Variants in GATA4 observed in about 807,000 individuals in gnomAD.
GATA4 encodes GATA binding protein 4, also known as transcription factor GATA-4.
Under a neutral mutation model 37.9 loss-of-function variants are expected in GATA4, and 7 were observed. The observed-to-expected ratio is 0.18, with a 90% CI of 0.11 to 0.35. The LOEUF (loss-of-function observed/expected upper bound fraction) is 0.35, where lower values mean the gene tolerates loss of function less well. Among genes scored for constraint, GATA4 ranks in the 10% least tolerant of loss-of-function variants. The pLI is 1.00. For synonymous variants in GATA4, 372 were observed against 292.6 expected, an observed-to-expected ratio of 1.27 and a Z score of -2.77; for missense variants, 647 against 653.0, an observed-to-expected ratio of 0.99 and a Z score of 0.10.
chr8:11,681,151 CCGTTCTGTT>C (rs1176597033), intron 1 of GATA4: 86 of 985,290 alleles, frequency 8.7e-5, no homozygotes, highest in Non-Finnish European at 9.8e-5. Context: ...ATCTCCAGCT[CCGTTCTGTT>C]CGCAGAACCT....
At position 11,709,583 on chromosome 8, in the gene GATA4, G is replaced by GGC. The variant is rs2130078518; in HGVS notation, c.616+656_616+657insCG. ...GCGCATCATGCGGGCAGCGGGGGGG[G>GGC]GGGCGCACACGCCCGGTCAGTGTCC... On this transcript the variant is annotated intron_variant, in intron 2 of 6. Coordinates refer to ENST00000532059, the MANE Select transcript of GATA4 (RefSeq NM_001308093.3). The surrounding 1 kb of genome is among the most constrained non-coding windows in gnomAD (Gnocchi z 4.3). 6.6e-6 allele frequency among the ~76,000 whole-genome samples: 1 copy of GGC among 152,050 alleles called. No individual in the cohort carries two copies. The highest frequency in any genetic ancestry group is 1.9e-4 in the East Asian group (1 of 5,170).
upstream of GATA4, among the ~76,000 whole-genome samples, chr8:11,703,546 A>G (rs773499834): frequency 6.6e-6 from 1 of 152,256 alleles, no homozygotes; most frequent in African/African-American, 2.4e-5. Context: ...AGAGGAGGCC[A>G]CAGGAGATGG....
At chr8:11,720,979 A>G (rs981486828) in intron 2 of GATA4, among the ~76,000 whole-genome samples, 2 of 151,990 alleles carry the variant, frequency 1.3e-5, no homozygotes, top group African/African-American at 4.8e-5. Context: ...TCATCCATCC[A>G]CCAGCCAATA....
chr8:11,738,360 C>T (rs957397928), intron 2 of GATA4, among the ~76,000 whole-genome samples: 29 of 152,144 alleles, frequency 1.9e-4, no homozygotes, highest in African/African-American at 7.0e-4. Flanking sequence ...AATGTTCATT[C>T]TGTATATAAA....
chr8:11,707,990 G>C lies in GATA4; in HGVS notation c.-323G>C. 2 of 395,346 alleles carry C rather than the reference G, an allele frequency of 5.1e-6. No homozygotes were observed. The highest frequency in any genetic ancestry group is 2.1e-5 in the African/African-American group (1 of 47,736). The allele number at this position is 395,346 out of a possible 1,614,324, so 24.5% of individuals were successfully genotyped here. A position where few individuals can be genotyped will look rare whatever the true frequency, so the allele number is the denominator to read the frequency against. On this transcript the variant is annotated 5_prime_UTR_variant, in exon 2 of 7. Transcript: ENST00000532059. The surrounding 1 kb of genome is among the most constrained non-coding windows in gnomAD (Gnocchi z 4.7). ...TGCGCCACCTCCAGGCCTGGACGCT[G>C]CCCTCCGTCTTCTGCCCCCAATAGG...
At chr8:11,702,342 G>A (rs556593618), upstream of GATA4, among the ~76,000 whole-genome samples, 48 of 152,136 alleles carry the variant, frequency 3.2e-4, no homozygotes, top group African/African-American at 1.1e-3. The surrounding 1 kb of genome is among the most constrained non-coding windows in gnomAD (Gnocchi z 4.4). Flanking sequence ...TAGCGCTGGA[G>A]CCACAGATTT....
intron 1 of GATA4, among the ~76,000 whole-genome samples, chr8:11,706,423 G>A (rs367874745): frequency 2.0e-5 from 3 of 152,148 alleles, no homozygotes; most frequent in Non-Finnish European, 4.4e-5. Flanking sequence ...CTTTTTGCCT[G>A]TTAGGACAGT....
Position 11,709,575 on chromosome 8 carries a change from C to A in GATA4, c.616+647C>A, listed in dbSNP as rs936136276. On this transcript the variant is annotated intron_variant, in intron 2 of 6. Coordinates refer to ENST00000532059, the MANE Select transcript of GATA4 (RefSeq NM_001308093.3). This position sits in a 1 kb window ranked among gnomAD's most constrained non-coding sequence, Gnocchi z 4.3. ...GCGCGTGGGCGCATCATGCGGGCAG[C>A]GGGGGGGGGGGCGCACACGCCCGGT... Among the ~76,000 whole-genome samples the A allele has an allele frequency of 1.1e-5, 1 of 93,864 alleles. No individual in the cohort carries two copies. The allele number at this position is 93,864 out of a possible 152,430, so 61.6% of individuals were successfully genotyped here. A position where few individuals can be genotyped will look rare whatever the true frequency, so the allele number is the denominator to read the frequency against.
chr8:11,721,697 G>A (rs1023272059), intron 2 of GATA4, among the ~76,000 whole-genome samples: 3 of 152,158 alleles, frequency 2.0e-5, no homozygotes, highest in African/African-American at 4.8e-5. Context: ...CAAATCTGGA[G>A]CCCTGCCCTG....
chr8:11,744,256 C>T (rs1390699223), intron 2 of GATA4, among the ~76,000 whole-genome samples: 2 of 152,250 alleles, frequency 1.3e-5, no homozygotes, highest in African/African-American at 2.4e-5. Flanking sequence ...ACTTCAGCCT[C>T]CTAACAATAA....
chr8:11,694,938 GC>G (rs1192669759), intron 1 of GATA4, among the ~76,000 whole-genome samples: 4 of 152,284 alleles, frequency 2.6e-5, no homozygotes, highest in Middle Eastern at 3.4e-3. Flanking sequence ...GCAGTCAGTG[GC>G]TTTGGGCTCT....
At chr8:11,691,959 T>C, upstream of GATA4, 43 of 953,458 alleles carry the variant, frequency 4.5e-5, no homozygotes, top group Non-Finnish European at 5.2e-5. Context: ...AAATGCTCCA[T>C]GTTGCTTACA....
upstream of GATA4, among the ~76,000 whole-genome samples, chr8:11,688,524 G>GCA (rs56159918): frequency 0.56 from 84,294 of 149,380 alleles, 25,606 homozygotes; most frequent in Non-Finnish European, 0.7. Flanking sequence ...GTGCGCGCAT[G>GCA]CACACACACA....
In GATA4 at chr8:11,758,804, T is replaced by A. The variant is rs2130357754; in HGVS notation, c.*329T>A. 2.6e-6 allele frequency: 1 copy of A among 383,566 alleles called. No individual in the cohort carries two copies. Among genetic ancestry groups the A allele is most frequent in the African/African-American group, 2.1e-5 (1 of 48,356 alleles). The allele number at this position is 383,566 out of a possible 1,614,324, so 23.8% of individuals were successfully genotyped here. A position where few individuals can be genotyped will look rare whatever the true frequency, so the allele number is the denominator to read the frequency against. On this transcript the variant is annotated 3_prime_UTR_variant, in exon 7 of 7. Coordinates refer to ENST00000532059, the MANE Select transcript of GATA4 (RefSeq NM_001308093.3). ...CCTAGACCGTGGGTTTTGCATTGTG[T>A]TTCTAGCACCGAGGATCTGAGAACA...
At chr8:11,687,208 A>G (rs763185490) in intron 1 of GATA4, among the ~76,000 whole-genome samples, 4 of 152,150 alleles carry the variant, frequency 2.6e-5, no homozygotes, top group African/African-American at 4.8e-5. Flanking sequence ...CTAGCTAGGC[A>G]TTCTGGGATG....
chr8:11,715,094 C>G (rs1371946125), intron 2 of GATA4, among the ~76,000 whole-genome samples: 1 of 151,964 alleles, frequency 6.6e-6, no homozygotes, highest in Non-Finnish European at 1.5e-5. Flanking sequence ...GCTATGTAGG[C>G]AAGAAATAAT....
chr8:11,745,080 C>G (rs1203400288), intron 2 of GATA4, among the ~76,000 whole-genome samples: 6 of 152,170 alleles, frequency 3.9e-5, no homozygotes, highest in Admixed American at 3.9e-4. Context: ...TTGTTGGTGG[C>G]AAATACATAC....
chr8:11,686,384 T>C (rs529570642), intron 1 of GATA4, among the ~76,000 whole-genome samples: 11 of 152,248 alleles, frequency 7.2e-5, no homozygotes, highest in Admixed American at 4.6e-4. Flanking sequence ...AATAATGGTA[T>C]TTTCTTTCTC....
chr8:11,756,802 G>A, intron 5 of GATA4, 133 bp from the exon 6 acceptor site: 2 of 1,189,392 alleles, frequency 1.7e-6, no homozygotes, highest in African/African-American at 1.5e-5. Flanking sequence ...CCGCAGATAA[G>A]GACCTCTGCT....
Sources: gnomAD v4.1 joint callset for allele counts (sites outside exome capture counted in the v4.1 genomes callset) on GRCh38, gnomAD v4.1.1 for gene constraint, Gnocchi (gnomAD v3.1) non-coding constraint, MANE v1.5 for transcripts, NCBI Gene and HGNC (gene_info 2026-07-23, HGNC 2026-07-21) for gene names.